The following GDPD4 variants were observed in gnomAD, a reference collection of about 807,000 sequenced individuals.
GDPD4 encodes the protein glycerophosphodiester phosphodiesterase 6.
A neutral mutation model predicts 67.8 loss-of-function variants in GDPD4; 60 were observed. The observed-to-expected ratio is 0.88, with a 90% CI of 0.72 to 1.10. GDPD4 has a LOEUF of 1.10. Among genes scored for constraint, GDPD4 ranks in the 50% least tolerant of loss-of-function variants. GDPD4 has a pLI of 0.00. For missense variants in GDPD4, 623 were observed against 613.9 expected (o/e 1.01, Z -0.16); for synonymous variants, 212 against 210.9 (o/e 1.00, Z -0.04).
chr11:77,242,556 A>AGACCT (rs1235335632), intron 13 of GDPD4, among the ~76,000 whole-genome samples: 11 of 152,326 alleles, frequency 7.2e-5, no homozygotes, highest in African/African-American at 2.6e-4. Context: ...GCTGATGGCT[A>AGACCT]GGCCAGGTCT....
At chr11:77,280,723 C>T (rs1959719068) in intron 3 of GDPD4, among the ~76,000 whole-genome samples, 1 of 152,178 alleles carries the variant, frequency 6.6e-6, no homozygotes, top group Non-Finnish European at 1.5e-5. Flanking sequence ...TCCCACCCCC[C>T]AGCTATGGAT....
Position 77,233,072 on chromosome 11 carries a change from C to T in GDPD4, c.1342G>A (p.Asp448Asn). The part of the protein sequence containing the change: ...WCSRINSVTT[D>N]NIGLLSQLDH... ...AGCTGACTCAGGAGCCCAATGTTGT[C>T]TGTGGTCACTGAGTTAATCCTGGAG... is the stretch of plus-strand genomic sequence containing the variant. Residue 448 changes from aspartate (D) to asparagine (N), a missense_variant, in exon 14 of 17, where the codon GAC becomes AAC. Transcript: ENST00000315938. The T allele has an allele frequency of 6.2e-7, 1 of 1,614,100 alleles. No homozygotes were observed.
chr11:77,237,037 G>A (rs1317772219), intron 13 of GDPD4, among the ~76,000 whole-genome samples: 2 of 152,112 alleles, frequency 1.3e-5, no homozygotes, highest in Non-Finnish European at 2.9e-5. Flanking sequence ...TACATATTTT[G>A]TAAATAAACA....
At chr11:77,264,907 G>GTAAAGGAAATTTATATTTA (rs1457247684) in intron 10 of GDPD4, among the ~76,000 whole-genome samples, 1 of 152,060 alleles carries the variant, frequency 6.6e-6, no homozygotes, top group African/African-American at 2.4e-5. Flanking sequence ...TTGCCCTTTT[G>GTAAAGGAAATTTATATTTA]TAAAGGAAAT....
intron 5 of GDPD4, among the ~76,000 whole-genome samples, chr11:77,274,450 T>C (rs1480022055): frequency 6.6e-6 from 1 of 152,172 alleles, no homozygotes; most frequent in African/African-American, 2.4e-5. Context: ...TGGGTTCTCA[T>C]TCTGTGAGTT....
intron 16 of GDPD4, among the ~76,000 whole-genome samples, chr11:77,219,912 G>C (rs924986393): frequency 1.9e-4 from 29 of 152,160 alleles, no homozygotes; most frequent in African/African-American, 6.8e-4. Context: ...ACTGTGAATG[G>C]GAGTTCACTC....
chr11:77,294,167 AATG>A (rs1162251021), intron 1 of GDPD4, among the ~76,000 whole-genome samples: 4 of 152,208 alleles, frequency 2.6e-5, no homozygotes, highest in African/African-American at 9.6e-5. Flanking sequence ...GTGAAATCTG[AATG>A]ATATCTGAAG....
chr11:77,295,102 CTACAGGT>C (rs1937909870), intron 1 of GDPD4, among the ~76,000 whole-genome samples: 1 of 151,090 alleles, frequency 6.6e-6, no homozygotes, highest in African/African-American at 2.4e-5. Flanking sequence ...GTAGCGGGGA[CTACAGGT>C]GCATGCCAAC....
In GDPD4 at chr11:77,275,720, T is replaced by G. The variant is rs113041853; in HGVS notation, c.207+441A>C. Among the ~76,000 whole-genome samples, 357 of 152,274 alleles carry G rather than the reference T, an allele frequency of 2.3e-3. 1 individual carries two copies. The highest frequency in any genetic ancestry group is 7.8e-3 in the African/African-American group (326 of 41,564). On this transcript the variant is annotated intron_variant, in intron 5 of 16. Coordinates refer to ENST00000315938, the MANE Select transcript of GDPD4 (RefSeq NM_182833.3). Reference sequence around the variant, plus strand: ...TCTCTGCCGCTATGGGCTTCAGGCTTGGATAAGGCCCAAATAGGGGAGGGG... The same window carrying G: ...TCTCTGCCGCTATGGGCTTCAGGCTGGGATAAGGCCCAAATAGGGGAGGGG...
Position 77,292,130 on chromosome 11 carries a change from A to C in GDPD4, c.-253-4710T>G, listed in dbSNP as rs187627571. On this transcript the variant is annotated intron_variant, in intron 1 of 16. Transcript: ENST00000315938. ...TAAATCTGCAAAATGACAAAAAAAA[A>C]CCCTCAAGTAACATAAATCAAAATT... Among the ~76,000 whole-genome samples, 567 of 152,126 alleles carry C rather than the reference A, an allele frequency of 3.7e-3. 3 individuals carry two copies. Among genetic ancestry groups the C allele is most frequent in the African/African-American group, 0.012 (479 of 41,518 alleles).
intron 10 of GDPD4, among the ~76,000 whole-genome samples, chr11:77,261,652 C>T (rs995167568): frequency 6.6e-6 from 1 of 152,238 alleles, no homozygotes; most frequent in African/African-American, 2.4e-5. Flanking sequence ...ATTTGCAATA[C>T]TAACTCCTGA....
chr11:77,226,008 G>T (rs1958328880), intron 16 of GDPD4, among the ~76,000 whole-genome samples: 1 of 152,038 alleles, frequency 6.6e-6, no homozygotes, highest in African/African-American at 2.4e-5. Context: ...AAGAAAAACT[G>T]GTTTCTCTAA....
At chr11:77,246,400 T>C (rs1402241808) in intron 11 of GDPD4, among the ~76,000 whole-genome samples, 2 of 152,244 alleles carry the variant, frequency 1.3e-5, no homozygotes, top group African/African-American at 4.8e-5. Context: ...ATAGCTAATG[T>C]ATGTAAAAAT....
At chr11:77,282,181 G>T (rs2725819) in intron 3 of GDPD4, among the ~76,000 whole-genome samples, 113,165 of 151,986 alleles carry the variant, frequency 0.74, 43,252 homozygotes, top group African/African-American at 0.93. Context: ...AGGAAAAGGT[G>T]AAAATACTAA....
intron 11 of GDPD4, among the ~76,000 whole-genome samples, chr11:77,257,986 C>A (rs1042009931): frequency 1.7e-4 from 26 of 152,244 alleles, no homozygotes; most frequent in Admixed American, 1.5e-3. Flanking sequence ...CCATTATATT[C>A]CATGTGCCTT....
rs199737312 is a variant in GDPD4 at position 77,243,768 on chromosome 11, G to T, written c.1167C>A (p.Ser389=). Residue 389 remains serine (S), a synonymous_variant, in exon 13 of 17, where the codon TCC becomes TCA. Coordinates refer to ENST00000315938, the MANE Select transcript of GDPD4 (RefSeq NM_182833.3). The stretch of plus-strand genomic sequence containing the variant: ...TATTGTTTTTAGCAAGGGTTTCAAT[G>T]GATACTAAACGGCCCACATGCTGAA... ...PGFQHVGRLV[S]IETLAKNNIS... The T allele has an allele frequency of 1.2e-6, 2 of 1,611,928 alleles. No homozygotes were observed. Among genetic ancestry groups the T allele is most frequent in the South Asian group, 2.2e-5 (2 of 91,026 alleles).
At chr11:77,255,541 G>A (rs1958986967) in intron 11 of GDPD4, among the ~76,000 whole-genome samples, 1 of 152,114 alleles carries the variant, frequency 6.6e-6, no homozygotes, top group African/African-American at 2.4e-5. Flanking sequence ...TCCAGCCTGG[G>A]TGACAGTGAA....
At chr11:77,281,174 T>C (rs1959737656) in intron 3 of GDPD4, among the ~76,000 whole-genome samples, 1 of 152,150 alleles carries the variant, frequency 6.6e-6, no homozygotes, top group Non-Finnish European at 1.5e-5. Context: ...TCATGTAAAA[T>C]CCATATTTTC....
chr11:77,232,163 T>A (rs1958468377), intron 14 of GDPD4, among the ~76,000 whole-genome samples: 1 of 152,212 alleles, frequency 6.6e-6, no homozygotes, highest in Non-Finnish European at 1.5e-5. Context: ...GGGATTGGAC[T>A]CTTAATTCTG....
Sources: allele counts gnomAD v4.1 joint callset (sites outside exome capture counted in the v4.1 genomes callset), GRCh38; gene constraint gnomAD v4.1.1; transcripts MANE v1.5; gene names NCBI Gene and HGNC (gene_info 2026-07-23, HGNC 2026-07-21).